Variants in MGMT observed in about 807,000 individuals in gnomAD.
The protein encoded by MGMT is methylated-DNA--protein-cysteine methyltransferase.
Under a neutral mutation model 15.9 loss-of-function variants are expected in MGMT, and 14 were observed. The observed-to-expected ratio is 0.88, with a 90% confidence interval of 0.58 to 1.37. MGMT has a LOEUF of 1.37. Among genes scored for constraint, MGMT ranks in the 40% most tolerant of loss-of-function variants. The pLI is 0.00. For synonymous variants in MGMT, 130 were observed against 118.2 expected (o/e 1.10, Z -0.65); for missense variants, 282 against 268.1 (o/e 1.05, Z -0.36).
intron 2 of MGMT, among the ~76,000 whole-genome samples, chr10:129,632,569 A>G (rs950426839): frequency 6.6e-6 from 1 of 152,198 alleles, no homozygotes; most frequent in South Asian, 2.1e-4. Context: ...TTATCCCACA[A>G]ATATTTAAAT....
intron 1 of MGMT, among the ~76,000 whole-genome samples, chr10:129,508,665 C>T (rs1845649855): frequency 6.6e-6 from 1 of 152,020 alleles, no homozygotes; most frequent in Admixed American, 6.5e-5. Flanking sequence ...CCTGCCTCAG[C>T]CTCCCAAGTG....
chr10:129,600,797 C>G (rs773829224), intron 2 of MGMT, among the ~76,000 whole-genome samples: 2 of 152,146 alleles, frequency 1.3e-5, no homozygotes, highest in African/African-American at 4.8e-5. Context: ...GTATGAAGTT[C>G]CTGAATTAAT....
intron 2 of MGMT, among the ~76,000 whole-genome samples, chr10:129,553,358 C>G (rs999764023): frequency 2.6e-5 from 4 of 152,188 alleles, no homozygotes; most frequent in African/African-American, 9.7e-5. Flanking sequence ...GAAACCCTGG[C>G]TGCTGAAGTA....
intron 3 of MGMT, among the ~76,000 whole-genome samples, chr10:129,733,424 A>C (rs1445161347): frequency 1.6e-3 from 243 of 150,564 alleles, no homozygotes; most frequent in Admixed American, 3.0e-3. Flanking sequence ...TTTTCTTGTA[A>C]ATTTGTTTGA....
chr10:129,501,291 G>A (rs1845572285), intron 1 of MGMT, among the ~76,000 whole-genome samples: 1 of 152,160 alleles, frequency 6.6e-6, no homozygotes. Context: ...CTCCTGCGGG[G>A]GTGGGGGAGG....
At chr10:129,733,620 A>G (rs35426916) in intron 3 of MGMT, among the ~76,000 whole-genome samples, 46,896 of 151,766 alleles carry the variant, frequency 0.31, 7,418 homozygotes, top group Middle Eastern at 0.43. Flanking sequence ...TGTCTTAGAC[A>G]TGAAGTCCTT....
At chr10:129,647,511 T>A (rs1387510131) in intron 2 of MGMT, among the ~76,000 whole-genome samples, 1 of 152,176 alleles carries the variant, frequency 6.6e-6, no homozygotes, top group African/African-American at 2.4e-5. Context: ...AAATTCCAAA[T>A]ATTTGAAATA....
chr10:129,632,402 G>C (rs1033673558), intron 2 of MGMT, among the ~76,000 whole-genome samples: 3 of 152,134 alleles, frequency 2.0e-5, no homozygotes, highest in Admixed American at 1.3e-4. Context: ...GTAGTGATCC[G>C]GGTCACAAGG....
At chr10:129,495,766 C>G (rs1564834296) in intron 1 of MGMT, among the ~76,000 whole-genome samples, 1 of 152,200 alleles carries the variant, frequency 6.6e-6, no homozygotes, top group Admixed American at 6.5e-5. Flanking sequence ...TCCCATTTTT[C>G]TCAGCAGAGC....
At chr10:129,518,345 C>CAT (rs779999334) in intron 1 of MGMT, among the ~76,000 whole-genome samples, 9,658 of 77,348 alleles carry the variant, frequency 0.12, 513 homozygotes, top group African/African-American at 0.16. Flanking sequence ...CATACACACA[C>CAT]ACACACACAC....
chr10:129,743,411 A>T (rs952244720), intron 3 of MGMT, among the ~76,000 whole-genome samples: 5 of 152,124 alleles, frequency 3.3e-5, no homozygotes, highest in African/African-American at 1.2e-4. Context: ...CCGTTGGCCG[A>T]CCCTGTTGGG....
chr10:129,705,792 C>T (rs1364547950), intron 2 of MGMT, among the ~76,000 whole-genome samples: 1 of 152,190 alleles, frequency 6.6e-6, no homozygotes, highest in Non-Finnish European at 1.5e-5. Flanking sequence ...AGGCCCCATC[C>T]ACACAGGGCT....
At chr10:129,482,267 C>G (rs1168219763) in intron 1 of MGMT, among the ~76,000 whole-genome samples, 5 of 152,014 alleles carry the variant, frequency 3.3e-5, no homozygotes, top group Admixed American at 6.6e-5. Flanking sequence ...GGTGAGTTAC[C>G]TTGTAATCAG....
chr10:129,714,395 A>C (rs1289404703), intron 3 of MGMT, among the ~76,000 whole-genome samples: 1 of 152,262 alleles, frequency 6.6e-6, no homozygotes, highest in Non-Finnish European at 1.5e-5. Context: ...TATGAACAAC[A>C]TCTTGGGCTA....
At chr10:129,762,009 C>A (rs1848879749) in intron 4 of MGMT, among the ~76,000 whole-genome samples, 1 of 152,214 alleles carries the variant, frequency 6.6e-6, no homozygotes, top group African/African-American at 2.4e-5. Flanking sequence ...CCATTAGAAA[C>A]CTCATTAGAA....
intron 4 of MGMT, among the ~76,000 whole-genome samples, chr10:129,764,729 G>T (rs3793910): frequency 0.11 from 17,344 of 152,270 alleles, 1,111 homozygotes; most frequent in Middle Eastern, 0.18. Context: ...GGTACCCGGA[G>T]TGATACCCGG....
At chr10:129,699,994 C>T (rs7069143) in intron 2 of MGMT, among the ~76,000 whole-genome samples, 56,159 of 151,908 alleles carry the variant, frequency 0.37, 11,387 homozygotes, top group Non-Finnish European at 0.45. Flanking sequence ...TTGTTTGTTA[C>T]GTAAACTTAA....
chr10:129,730,448 C>T (rs949087645), intron 3 of MGMT, among the ~76,000 whole-genome samples: 2 of 152,296 alleles, frequency 1.3e-5, no homozygotes, highest in Middle Eastern at 3.4e-3. Flanking sequence ...CGTATTCATT[C>T]TACTGCAGAG....
chr10:129,547,211 G>A (rs571275834), intron 2 of MGMT, among the ~76,000 whole-genome samples: 19 of 152,238 alleles, frequency 1.2e-4, no homozygotes, highest in East Asian at 3.9e-4. Flanking sequence ...GTTCCATAAC[G>A]TCCTGTGTCT....
Sources: gnomAD v4.1 joint callset for allele counts (sites outside exome capture counted in the v4.1 genomes callset) on GRCh38, gnomAD v4.1.1 for gene constraint, MANE v1.5 for transcripts, NCBI Gene and HGNC (gene_info 2026-07-23, HGNC 2026-07-21) for gene names.